DGKB: variants seen among roughly 807,000 people sequenced by gnomAD.
DGKB encodes the protein 90 kDa diacylglycerol kinase.
DGKB carries 67 observed loss-of-function variants against 114.3 expected under a neutral mutation model. That is an observed-to-expected ratio of 0.59 (90% CI 0.48 to 0.72). DGKB has a LOEUF of 0.72. Among genes scored for constraint, DGKB ranks in the 30% least tolerant of loss-of-function variants. The pLI, the probability that DGKB is intolerant of heterozygous loss-of-function variation, is 0.00. For synonymous variants in DGKB, 398 were observed against 323.1 expected, an observed-to-expected ratio of 1.23 and a Z score of -2.49; for missense variants, 907 against 975.2, an observed-to-expected ratio of 0.93 and a Z score of 0.93.
rs1358992034 is a variant in DGKB, at chr7:14,707,125, T to C, written c.467-5395A>G. Reference sequence around the variant, plus strand: ...ATCAAATAGACGCAATAAAAAATGATAAAGGGGATATCACCACCGATTCCA... The same window carrying C: ...ATCAAATAGACGCAATAAAAAATGACAAAGGGGATATCACCACCGATTCCA... On this transcript the variant is annotated intron_variant, in intron 6 of 25. Coordinates refer to ENST00000402815, the MANE Select transcript of DGKB (RefSeq NM_001350709.2). Among the ~76,000 whole-genome samples the C allele has an allele frequency of 2.2e-5, 3 of 134,978 alleles. No homozygotes were observed. In the Admixed American group the frequency reaches 2.3e-4, roughly 10 times the overall value. 88.6% of individuals were successfully genotyped at this position (134,978 alleles called of 152,430 possible).
chr7:14,263,607 G>A (rs1797080670), intron 23 of DGKB, among the ~76,000 whole-genome samples: 1 of 152,104 alleles, frequency 6.6e-6, no homozygotes, highest in South Asian at 2.1e-4. Context: ...CTAATTTATG[G>A]TGGCCACCTT....
chr7:14,543,736 T>G (rs1461957684), intron 20 of DGKB, among the ~76,000 whole-genome samples: 1 of 152,146 alleles, frequency 6.6e-6, no homozygotes, highest in Admixed American at 6.5e-5. Flanking sequence ...TAGCCAGAAA[T>G]TTTGTTATGG....
chr7:14,473,162 G>T (rs1474575678), intron 21 of DGKB, among the ~76,000 whole-genome samples: 1 of 152,176 alleles, frequency 6.6e-6, no homozygotes, highest in Non-Finnish European at 1.5e-5. Context: ...AGGCCCAGAG[G>T]CATAAGAGGA....
At chr7:14,395,406 T>C (rs1246878310) in intron 21 of DGKB, among the ~76,000 whole-genome samples, 1 of 152,014 alleles carries the variant, frequency 6.6e-6, no homozygotes, top group Non-Finnish European at 1.5e-5. Flanking sequence ...AATATACTTT[T>C]TAAATAGATA....
intron 14 of DGKB, among the ~76,000 whole-genome samples, chr7:14,627,731 C>T (rs1432702334): frequency 6.6e-6 from 1 of 151,900 alleles, no homozygotes; most frequent in East Asian, 1.9e-4. Flanking sequence ...ATCACGAGGT[C>T]AGGAGTTCGA....
intron 6 of DGKB, among the ~76,000 whole-genome samples, chr7:14,706,432 C>T (rs1443082112): frequency 1.1e-4 from 17 of 148,918 alleles, no homozygotes; most frequent in African/African-American, 4.2e-4. Flanking sequence ...ACAAGGATAC[C>T]CAGGAATTGA....
chr7:14,171,100 C>T (rs1375739970), intron 25 of DGKB, among the ~76,000 whole-genome samples: 1 of 152,094 alleles, frequency 6.6e-6, no homozygotes, highest in African/African-American at 2.4e-5. Context: ...CAGGTCAGGG[C>T]TCAATTGCAC....
intron 20 of DGKB, among the ~76,000 whole-genome samples, chr7:14,486,967 C>T (rs939863943): frequency 4.6e-5 from 7 of 152,200 alleles, no homozygotes; most frequent in African/African-American, 1.4e-4. Context: ...TTTAATTTAA[C>T]TGAAGTAAAA....
chr7:14,189,640 G>C (rs554963324), intron 23 of DGKB, among the ~76,000 whole-genome samples: 346 of 152,042 alleles, frequency 2.3e-3, no homozygotes, highest in African/African-American at 7.7e-3. Flanking sequence ...AATAAAATAA[G>C]ACCCAACTAT....
intron 12 of DGKB, among the ~76,000 whole-genome samples, chr7:14,674,145 T>G (rs544990673): frequency 1.3e-5 from 2 of 152,214 alleles, no homozygotes; most frequent in Admixed American, 6.6e-5. Flanking sequence ...TGCATTGGAG[T>G]TAAGATGACT....
intron 2 of DGKB, among the ~76,000 whole-genome samples, chr7:14,820,131 CATT>C (rs1844715836): frequency 6.6e-6 from 1 of 152,066 alleles, no homozygotes; most frequent in African/African-American, 2.4e-5. Context: ...TACCTAGTAA[CATT>C]CAATCATCTA....
chr7:14,919,627 T>A (rs1233793271), intron 1 of DGKB, among the ~76,000 whole-genome samples: 3 of 152,134 alleles, frequency 2.0e-5, no homozygotes, highest in Non-Finnish European at 2.9e-5. Context: ...GACAAAAAGA[T>A]AAGTAAACTA....
chr7:14,938,000 G>T (rs1785365178), intron 1 of DGKB, among the ~76,000 whole-genome samples: 1 of 152,158 alleles, frequency 6.6e-6, no homozygotes, highest in Non-Finnish European at 1.5e-5. Context: ...AACAGTTAAG[G>T]TTTTGGGGAG....
At chr7:14,408,128 C>T (rs1188642249) in intron 21 of DGKB, among the ~76,000 whole-genome samples, 5 of 152,100 alleles carry the variant, frequency 3.3e-5, no homozygotes, top group Non-Finnish European at 5.9e-5. Context: ...CATGGTGGCT[C>T]CTGACAAAGT....
At chr7:14,246,401 A>C (rs926051119) in intron 23 of DGKB, among the ~76,000 whole-genome samples, 1 of 152,198 alleles carries the variant, frequency 6.6e-6, no homozygotes, top group South Asian at 2.1e-4. Context: ...TAAGTGAAGG[A>C]GCCCAAATTC....
intron 1 of DGKB, among the ~76,000 whole-genome samples, chr7:14,908,722 C>T (rs140950000): frequency 1.3e-5 from 2 of 152,154 alleles, no homozygotes; most frequent in Middle Eastern, 3.4e-3. Flanking sequence ...CTTTCTGTAA[C>T]TTCTATAAAG....
intron 4 of DGKB, among the ~76,000 whole-genome samples, chr7:14,745,742 C>T (rs1250854205): frequency 6.6e-6 from 1 of 152,190 alleles, no homozygotes; most frequent in Non-Finnish European, 1.5e-5. Context: ...CAGGACCCCT[C>T]TCTTTTCTGA....
chr7:14,879,582 T>G (rs973995545), intron 1 of DGKB, among the ~76,000 whole-genome samples: 13 of 152,334 alleles, frequency 8.5e-5, no homozygotes, highest in Admixed American at 3.9e-4. Context: ...CCTAAGGCTA[T>G]GAAGCCCCAA....
At chr7:14,550,416 T>A (rs1429586482) in intron 20 of DGKB, among the ~76,000 whole-genome samples, 2 of 152,184 alleles carry the variant, frequency 1.3e-5, no homozygotes, top group East Asian at 1.9e-4. Context: ...AGAATCTTTT[T>A]GTGATTGGTA....
Sources: gnomAD v4.1 joint callset for allele counts (sites outside exome capture counted in the v4.1 genomes callset) on GRCh38, gnomAD v4.1.1 for gene constraint, MANE v1.5 for transcripts, NCBI Gene and HGNC (gene_info 2026-07-23, HGNC 2026-07-21) for gene names.